Variants in BBS9 observed in about 807,000 individuals in gnomAD.
The protein encoded by BBS9 is protein PTHB1.
BBS9 carries 89 observed loss-of-function variants against 117.7 expected under a neutral mutation model. That is an observed-to-expected ratio of 0.76 (90% confidence interval 0.64 to 0.90). BBS9 has a LOEUF of 0.90. Ranked by LOEUF, BBS9 falls within the 40% of genes least tolerant of loss-of-function variation. The pLI, the probability that BBS9 is intolerant of heterozygous loss-of-function variation, is 0.00. For missense variants in BBS9, 982 were observed against 1,042.2 expected, an observed-to-expected ratio of 0.94 and a Z score of 0.80; for synonymous variants, 379 against 370.9, an observed-to-expected ratio of 1.02 and a Z score of -0.25.
At chr7:33,295,004 T>C (rs938349598) in intron 9 of BBS9, among the ~76,000 whole-genome samples, 4 of 152,300 alleles carry the variant, frequency 2.6e-5, no homozygotes, top group African/African-American at 9.6e-5. Context: ...ATCTTTTATT[T>C]AGGCATTTTA....
At chr7:33,606,989 C>T (rs1332896719), downstream of BBS9, among the ~76,000 whole-genome samples, 2 of 152,072 alleles carry the variant, frequency 1.3e-5, no homozygotes, top group African/African-American at 4.8e-5. Flanking sequence ...TAAGGTTCTC[C>T]TAATCACCTT....
At chr7:33,558,654 A>C (rs1855644114) in intron 21 of BBS9, among the ~76,000 whole-genome samples, 1 of 152,134 alleles carries the variant, frequency 6.6e-6, no homozygotes, top group African/African-American at 2.4e-5. Flanking sequence ...ACCAAATGAA[A>C]GGTGACAGTT....
chr7:33,569,148 G>A (rs896577481), intron 21 of BBS9, among the ~76,000 whole-genome samples: 3 of 152,106 alleles, frequency 2.0e-5, no homozygotes, highest in African/African-American at 4.8e-5. Context: ...TACACTGAAG[G>A]GGGTGGGAAA....
chr7:33,391,874 C>T (rs1827132420), intron 19 of BBS9, among the ~76,000 whole-genome samples: 1 of 152,096 alleles, frequency 6.6e-6, no homozygotes. Context: ...GTATTTTTGA[C>T]ACATGAGGTT....
intron 4 of BBS9, among the ~76,000 whole-genome samples, chr7:33,157,087 T>TG (rs1794201460): frequency 6.6e-6 from 1 of 152,120 alleles, no homozygotes; most frequent in Non-Finnish European, 1.5e-5. Context: ...TGAAGCTCCA[T>TG]GGGGGCTCTA....
chr7:33,259,716 C>T (rs1797652087), intron 6 of BBS9, among the ~76,000 whole-genome samples: 1 of 152,040 alleles, frequency 6.6e-6, no homozygotes, highest in Non-Finnish European at 1.5e-5. Context: ...GCTTTGGTAC[C>T]ACTGTTCTCT....
intron 19 of BBS9, among the ~76,000 whole-genome samples, chr7:33,407,267 C>T (rs1467942452): frequency 6.6e-6 from 1 of 152,214 alleles, no homozygotes; most frequent in East Asian, 1.9e-4. Context: ...GTTCTCAAGC[C>T]TTGGCTTTCA....
chr7:33,427,670 G>A (rs917432231), intron 19 of BBS9, among the ~76,000 whole-genome samples: 1 of 152,114 alleles, frequency 6.6e-6, no homozygotes, highest in Non-Finnish European at 1.5e-5. Context: ...ACTCTGCTTG[G>A]CAGTTTACAC....
chr7:33,536,767 CTT>C (rs1375282511), intron 21 of BBS9, among the ~76,000 whole-genome samples: 1 of 68,910 alleles, frequency 1.5e-5, no homozygotes, highest in Non-Finnish European at 3.5e-5. Context: ...CACACAGTCT[CTT>C]TTCTTTTCTT....
chr7:33,422,890 A>G (rs1584769785), intron 19 of BBS9, among the ~76,000 whole-genome samples: 1 of 152,284 alleles, frequency 6.6e-6, no homozygotes, highest in East Asian at 1.9e-4. Context: ...GATTACAGGC[A>G]TGAGCCATCC....
At chr7:33,308,044 A>G (rs763861410) in intron 9 of BBS9, among the ~76,000 whole-genome samples, 7 of 152,172 alleles carry the variant, frequency 4.6e-5, no homozygotes, top group Non-Finnish European at 7.4e-5. Context: ...GTGTATGTGT[A>G]TAGTGGGGCT....
chr7:33,291,862 T>C (rs1030341960), intron 9 of BBS9, among the ~76,000 whole-genome samples: 2 of 152,138 alleles, frequency 1.3e-5, no homozygotes, highest in Non-Finnish European at 2.9e-5. Flanking sequence ...TTAAGTAGGT[T>C]TTTTCTATAG....
At chr7:33,482,051 TA>T (rs1208887877) in intron 19 of BBS9, among the ~76,000 whole-genome samples, 1 of 152,108 alleles carries the variant, frequency 6.6e-6, no homozygotes, top group Non-Finnish European at 1.5e-5. Context: ...TCTGATCGGG[TA>T]AAGATTGGAG....
chr7:33,319,831 G>C (rs1811316758), intron 9 of BBS9, among the ~76,000 whole-genome samples: 1 of 152,092 alleles, frequency 6.6e-6, no homozygotes, highest in South Asian at 2.1e-4. Flanking sequence ...CTAATATCCA[G>C]AATTTACAAG....
intron 21 of BBS9, among the ~76,000 whole-genome samples, chr7:33,537,577 G>T (rs1851648430): frequency 6.6e-6 from 1 of 152,192 alleles, no homozygotes; most frequent in Non-Finnish European, 1.5e-5. Flanking sequence ...AGTCTCAGCT[G>T]TATGCATTCT....
intron 19 of BBS9, among the ~76,000 whole-genome samples, chr7:33,391,990 T>C (rs1186498327): frequency 2.0e-5 from 3 of 152,230 alleles, no homozygotes; most frequent in Non-Finnish European, 4.4e-5. Context: ...TATCAATTTA[T>C]AAATTATTCT....
chr7:33,428,818 G>T (rs1317469851), intron 19 of BBS9, among the ~76,000 whole-genome samples: 1 of 152,122 alleles, frequency 6.6e-6, no homozygotes, highest in Non-Finnish European at 1.5e-5. Context: ...GCCTCTACAG[G>T]CTACTATGGT....
At chr7:33,357,749 A>G in intron 15 of BBS9, 106 bp from the exon 16 acceptor site, 1 of 1,205,908 alleles carries the variant, frequency 8.3e-7, no homozygotes, top group East Asian at 2.3e-5. Flanking sequence ...TAGGCAGGCA[A>G]CAAGCAAACC....
chr7:33,613,212 G>T (rs1016479035), intron 21 of BBS9, among the ~76,000 whole-genome samples: 1 of 152,032 alleles, frequency 6.6e-6, no homozygotes, highest in Non-Finnish European at 1.5e-5. Flanking sequence ...GCAAAGTGGG[G>T]GGCCTGTCCC....
Sources: allele counts gnomAD v4.1 joint callset (sites outside exome capture counted in the v4.1 genomes callset), GRCh38; gene constraint gnomAD v4.1.1; transcripts MANE v1.5; gene names NCBI Gene and HGNC (gene_info 2026-07-23, HGNC 2026-07-21).